Variants in VPS13A observed in about 807,000 individuals in gnomAD.
VPS13A encodes the protein intermembrane lipid transfer protein VPS13A.
In VPS13A, 264 loss-of-function variants were observed where a neutral mutation model predicts 390.9. That is an observed-to-expected ratio of 0.68 (90% CI 0.61 to 0.75). The LOEUF (loss-of-function observed/expected upper bound fraction) is 0.75. VPS13A is among the 30% of genes least tolerant of loss of function. VPS13A has a pLI of 0.00. For missense variants in VPS13A, 3,409 were observed against 3,733.9 expected (o/e 0.91, Z 2.27); for synonymous variants, 1,231 against 1,227.1 (o/e 1.00, Z -0.07).
chr9:77,363,425 C>G (rs1438312682), intron 59 of VPS13A, among the ~76,000 whole-genome samples: 3 of 114,878 alleles, frequency 2.6e-5, no homozygotes, highest in African/African-American at 9.9e-5. Context: ...TTTTTGAGAC[C>G]TAGGCTCGCT....
At chr9:77,207,220 T>G (rs1462410336) in intron 5 of VPS13A, among the ~76,000 whole-genome samples, 1 of 59,818 alleles carries the variant, frequency 1.7e-5, no homozygotes, top group Non-Finnish European at 3.3e-5. Context: ...ATATTATATA[T>G]ATATATATAT....
rs1256759264 is a variant in VPS13A, at chr9:77,177,814, C to T, written c.100+10C>T. The T allele has an allele frequency of 1.3e-6, 2 of 1,596,356 alleles. No individual in the cohort carries two copies. Among genetic ancestry groups the T allele is most frequent in the East Asian group, 2.3e-5 (1 of 44,140 alleles). Reference sequence around the variant, plus strand: ...CTGGGCATCTGGAAAGGTAAGGAGGCCGCCGCCGCCGCTCCCCGGCCTCTC... The same window carrying T: ...CTGGGCATCTGGAAAGGTAAGGAGGTCGCCGCCGCCGCTCCCCGGCCTCTC... On this transcript the variant is annotated intron_variant, in intron 1 of 71. Transcript: ENST00000360280.
chr9:77,343,057 G>T (rs1370083664), intron 50 of VPS13A, among the ~76,000 whole-genome samples: 1 of 152,136 alleles, frequency 6.6e-6, no homozygotes, highest in Non-Finnish European at 1.5e-5. Context: ...GTTTTAAACT[G>T]ATCATCTGTG....
At chr9:77,257,242 C>G (rs1210758122) in intron 22 of VPS13A, among the ~76,000 whole-genome samples, 1 of 151,752 alleles carries the variant, frequency 6.6e-6, no homozygotes, top group African/African-American at 2.4e-5. Context: ...TTTATTATTT[C>G]TTTATTTTTT....
Position 77,405,848 on chromosome 9 carries a change from GTTT to G in VPS13A, c.9276-13_9276-11del. The G allele has an allele frequency of 6.2e-7, 1 of 1,611,634 alleles. No homozygotes were observed. The highest frequency in any genetic ancestry group is 8.5e-7 in the Non-Finnish European group (1 of 1,179,324). On this transcript the variant is annotated splice_polypyrimidine_tract_variant and intron_variant, in intron 69 of 71. Transcript: ENST00000360280. ...CAATTTTAAAGCGAATTCTTTTTTT[GTTT>G]TTCTTTTTGCAGTGGTGTATTGTTT...
At position 77,277,477 on chromosome 9, in the gene VPS13A, T is replaced by C. The variant is rs77179445; in HGVS notation, c.2824+1256T>C. ...AATTTACATTAAGGTTCACTGTTGC[T>C]GTTATACCTTCTGTTTGGACATGTA... is the stretch of plus-strand genomic sequence containing the variant. On this transcript the variant is annotated intron_variant, in intron 26 of 71. Coordinates refer to ENST00000360280, the MANE Select transcript of VPS13A (RefSeq NM_033305.3). Among the ~76,000 whole-genome samples, 9 of 152,328 alleles carry C rather than the reference T, an allele frequency of 5.9e-5. No homozygotes were observed. The East Asian group carries it at 1.7e-3, about 29-fold the overall frequency.
chr9:77,183,092 T>C (rs893917891), intron 1 of VPS13A, among the ~76,000 whole-genome samples: 2 of 152,202 alleles, frequency 1.3e-5, no homozygotes, highest in Non-Finnish European at 2.9e-5. Context: ...CTAAGATACT[T>C]TAATAAAACT....
At chr9:77,301,536 A>G (rs1282356505) in intron 33 of VPS13A, among the ~76,000 whole-genome samples, 1 of 152,164 alleles carries the variant, frequency 6.6e-6, no homozygotes, top group Non-Finnish European at 1.5e-5. Context: ...TTTCTCTCCT[A>G]TTGATTAAAT....
chr9:77,249,707 C>G (rs1041517651), intron 20 of VPS13A, among the ~76,000 whole-genome samples: 2 of 152,132 alleles, frequency 1.3e-5, no homozygotes, highest in Non-Finnish European at 2.9e-5. Context: ...ATTCTGGACT[C>G]TTTTACTTCT....
chr9:77,414,340 A>G (rs1268778223), intron 71 of VPS13A, among the ~76,000 whole-genome samples: 1 of 152,222 alleles, frequency 6.6e-6, no homozygotes, highest in African/African-American at 2.4e-5. Context: ...GAACCAACCC[A>G]AATGTCCAAC....
chr9:77,365,424 T>A (rs922707885), intron 59 of VPS13A, 36 bp from the exon 60 acceptor site: 4 of 1,349,486 alleles, frequency 3.0e-6, no homozygotes, highest in Admixed American at 1.7e-5. Context: ...TGCAGGTAGG[T>A]CCCTTTAGTT....
At chr9:77,285,292 T>G (rs1827265212) in intron 31 of VPS13A, among the ~76,000 whole-genome samples, 1 of 152,186 alleles carries the variant, frequency 6.6e-6, no homozygotes. Flanking sequence ...CAGTTTTAAG[T>G]GTACTGAGAC....
rs779866608 is a variant in VPS13A, at chr9:77,295,607, A to C, written c.3573A>C (p.Gly1191=). ...CTGAGGCAACTGTTCAGGCAGCTGG[A>C]ATGGCTGCTACTGGTGTAAAAGAAC... ...ALAEATVQAA[G]MAATGVKELA... The change falls in exon 33 of 72, where the codon GGA becomes GGC. Residue 1191 remains glycine (G), a synonymous_variant. Coordinates refer to ENST00000360280, the MANE Select transcript of VPS13A (RefSeq NM_033305.3). 1.9e-6 allele frequency: 3 copies of C among 1,613,636 alleles called. No homozygotes were observed. Among genetic ancestry groups the C allele is most frequent in the Non-Finnish European group, 2.5e-6 (3 of 1,179,728 alleles).
intron 57 of VPS13A, 38 bp from the exon 58 acceptor site, chr9:77,359,293 TAA>T: frequency 6.4e-7 from 1 of 1,567,868 alleles, no homozygotes; most frequent in African/African-American, 1.4e-5. Flanking sequence ...AGCTTTTGCT[TAA>T]AGCATCATGG....
chr9:77,374,317 AAAT>A (rs1832955539), intron 67 of VPS13A, among the ~76,000 whole-genome samples: 2 of 152,180 alleles, frequency 1.3e-5, no homozygotes, highest in Admixed American at 6.5e-5. Context: ...AATAATAATA[AAAT>A]AAGACAATTA....
At chr9:77,204,882 G>C (rs1825547345) in intron 3 of VPS13A, among the ~76,000 whole-genome samples, 1 of 152,148 alleles carries the variant, frequency 6.6e-6, no homozygotes, top group South Asian at 2.1e-4. Flanking sequence ...ACCTGCCTTA[G>C]CTTCCCAAAG....
intron 35 of VPS13A, among the ~76,000 whole-genome samples, chr9:77,312,830 G>T (rs539930919): frequency 1.3e-4 from 20 of 152,132 alleles, no homozygotes; most frequent in Non-Finnish European, 2.5e-4. Context: ...TCTCACATAC[G>T]ACTGATAGGA....
chr9:77,200,070 A>T (rs1825236374), intron 2 of VPS13A, 82 bp downstream of exon 2: 2 of 1,270,512 alleles, frequency 1.6e-6, no homozygotes, highest in East Asian at 2.4e-5. Context: ...GTCACCTTAA[A>T]TTATTTAAAT....
chr9:77,333,426 A>ATTTTTTTT (rs34369162), intron 46 of VPS13A, among the ~76,000 whole-genome samples: 3 of 107,668 alleles, frequency 2.8e-5, no homozygotes, highest in Non-Finnish European at 3.6e-5. Flanking sequence ...CTCATTAGGC[A>ATTTTTTTT]TTTTTTTTTT....
Sources: allele counts gnomAD v4.1 joint callset (sites outside exome capture counted in the v4.1 genomes callset), GRCh38; gene constraint gnomAD v4.1.1; transcripts MANE v1.5; gene names NCBI Gene and HGNC (gene_info 2026-07-23, HGNC 2026-07-21).